Variants in ZNF385D observed in about 807,000 individuals in gnomAD.
ZNF385D encodes the protein zinc finger protein 659.
A neutral mutation model predicts 35.8 loss-of-function variants in ZNF385D; 15 were observed. The observed-to-expected ratio is 0.42, with a 90% CI of 0.28 to 0.64. The LOEUF is 0.64. ZNF385D is among the 30% of genes least tolerant of loss of function. ZNF385D has a pLI of 0.23. For synonymous variants in ZNF385D, 212 were observed against 186.8 expected (o/e 1.13, Z -1.10); for missense variants, 474 against 494.6 (o/e 0.96, Z 0.39).
intron 3 of ZNF385D, among the ~76,000 whole-genome samples, chr3:22,061,057 G>A (rs1699662144): frequency 6.6e-6 from 1 of 152,008 alleles, no homozygotes. Context: ...TTCTCTGAGG[G>A]CAGTATTAAT....
intron 2 of ZNF385D, among the ~76,000 whole-genome samples, chr3:21,654,884 A>G (rs1202918840): frequency 6.6e-6 from 1 of 152,066 alleles, no homozygotes; most frequent in Non-Finnish European, 1.5e-5. Context: ...TTGCTGGCAA[A>G]AAGTTCTCAT....
At chr3:21,966,574 T>C (rs1359338867) in intron 3 of ZNF385D, among the ~76,000 whole-genome samples, 4 of 152,090 alleles carry the variant, frequency 2.6e-5, no homozygotes, top group Non-Finnish European at 5.9e-5. Context: ...AACTAGCAGG[T>C]TTACTTCTTG....
intron 3 of ZNF385D, among the ~76,000 whole-genome samples, chr3:22,125,495 G>A (rs760200233): frequency 3.3e-5 from 5 of 151,920 alleles, no homozygotes; most frequent in Non-Finnish European, 7.4e-5. Flanking sequence ...CTTGTGGATT[G>A]CTTTGAATAG....
At chr3:22,200,253 T>C (rs985069500) in intron 2 of ZNF385D, among the ~76,000 whole-genome samples, 3 of 152,028 alleles carry the variant, frequency 2.0e-5, no homozygotes, top group East Asian at 3.9e-4. Flanking sequence ...ATAGTCATGT[T>C]GGTTCTTTTC....
chr3:22,360,946 T>C (rs1696382986), intron 2 of ZNF385D, among the ~76,000 whole-genome samples: 1 of 152,020 alleles, frequency 6.6e-6, no homozygotes, highest in Non-Finnish European at 1.5e-5. Flanking sequence ...GCGACCTCTC[T>C]AGAGATCAAT....
intron 2 of ZNF385D, among the ~76,000 whole-genome samples, chr3:21,641,912 T>A (rs1350997984): frequency 1.3e-5 from 2 of 152,046 alleles, no homozygotes; most frequent in African/African-American, 4.8e-5. Flanking sequence ...GAAGCTTGCA[T>A]GGGGGAATGC....
At chr3:21,634,479 C>T (rs977484193) in intron 2 of ZNF385D, among the ~76,000 whole-genome samples, 1 of 151,974 alleles carries the variant, frequency 6.6e-6, no homozygotes, top group Admixed American at 6.6e-5. Flanking sequence ...ATCTATCATG[C>T]TCAAACTCTA....
At chr3:22,061,100 A>C (rs957070571) in intron 3 of ZNF385D, among the ~76,000 whole-genome samples, 7 of 152,136 alleles carry the variant, frequency 4.6e-5, no homozygotes, top group African/African-American at 1.7e-4. Context: ...GGAGAATGTT[A>C]ATTTAATCAC....
At chr3:22,308,173 T>A (rs1300151641) in intron 2 of ZNF385D, among the ~76,000 whole-genome samples, 1 of 151,806 alleles carries the variant, frequency 6.6e-6, no homozygotes, top group Non-Finnish European at 1.5e-5. Context: ...ACAAAGACAA[T>A]CTACTAAAAA....
chr3:21,571,035 A>G (rs1042521122), intron 2 of ZNF385D, among the ~76,000 whole-genome samples: 3 of 149,638 alleles, frequency 2.0e-5, no homozygotes, highest in Non-Finnish European at 4.4e-5. Context: ...CTTACACACA[A>G]AAAGTACATA....
At chr3:21,485,349 T>C (rs1704949814) in intron 4 of ZNF385D, among the ~76,000 whole-genome samples, 1 of 152,114 alleles carries the variant, frequency 6.6e-6, no homozygotes, top group Admixed American at 6.6e-5. Flanking sequence ...ACTTATGTTA[T>C]TATGAAGGGC....
At chr3:21,460,928 C>G (rs1703128779) in intron 4 of ZNF385D, among the ~76,000 whole-genome samples, 1 of 152,114 alleles carries the variant, frequency 6.6e-6, no homozygotes. Flanking sequence ...TTGTTTAGCA[C>G]TGTACAGTGT....
intron 3 of ZNF385D, among the ~76,000 whole-genome samples, chr3:21,776,646 A>C (rs1393529000): frequency 6.6e-6 from 1 of 151,972 alleles, no homozygotes; most frequent in African/African-American, 2.4e-5. Flanking sequence ...GAGATAACTA[A>C]AAAATAAACT....
At chr3:21,472,496 A>G (rs1703967889) in intron 4 of ZNF385D, among the ~76,000 whole-genome samples, 1 of 152,164 alleles carries the variant, frequency 6.6e-6, no homozygotes, top group African/African-American at 2.4e-5. Context: ...CCCATTGTCC[A>G]TGTGTTACCT....
intron 3 of ZNF385D, among the ~76,000 whole-genome samples, chr3:21,519,893 T>C (rs1707803973): frequency 6.6e-6 from 1 of 152,202 alleles, no homozygotes; most frequent in African/African-American, 2.4e-5. Flanking sequence ...TTCACTCTAA[T>C]TATGTTCAAA....
intron 2 of ZNF385D, among the ~76,000 whole-genome samples, chr3:21,576,347 T>C (rs1341864125): frequency 6.6e-6 from 1 of 152,206 alleles, no homozygotes; most frequent in Non-Finnish European, 1.5e-5. Flanking sequence ...AACATTTCAT[T>C]GTCAGTAGAT....
chr3:21,981,732 T>G (rs1694463695), intron 3 of ZNF385D, among the ~76,000 whole-genome samples: 1 of 152,186 alleles, frequency 6.6e-6, no homozygotes, highest in Non-Finnish European at 1.5e-5. Context: ...CTTGAGCTGA[T>G]TTTTGTGTAT....
At chr3:22,218,460 T>G (rs1005829305) in intron 2 of ZNF385D, among the ~76,000 whole-genome samples, 1 of 149,852 alleles carries the variant, frequency 6.7e-6, no homozygotes, top group African/African-American at 2.5e-5. Context: ...TAAATATATG[T>G]ATATATATGT....
At chr3:22,347,347 A>G (rs1695704959) in intron 2 of ZNF385D, among the ~76,000 whole-genome samples, 1 of 152,170 alleles carries the variant, frequency 6.6e-6, no homozygotes. Context: ...GCAGGGAAGA[A>G]AGATTTCTCT....
Sources: gnomAD v4.1 joint callset for allele counts (sites outside exome capture counted in the v4.1 genomes callset) on GRCh38, gnomAD v4.1.1 for gene constraint, MANE v1.5 for transcripts, NCBI Gene and HGNC (gene_info 2026-07-23, HGNC 2026-07-21) for gene names.